The following TPRG1 variants were observed in gnomAD, a reference collection of about 807,000 sequenced individuals.
TPRG1 encodes the protein tumor protein p63 regulated 1.
Under a neutral mutation model 29.3 loss-of-function variants are expected in TPRG1, and 29 were observed. The ratio of observed to expected loss-of-function variants is 0.99; its 90% CI spans 0.74 to 1.35. The LOEUF (loss-of-function observed/expected upper bound fraction) is 1.35. Among genes scored for constraint, TPRG1 ranks in the 40% most tolerant of loss-of-function variants. The pLI, the probability that TPRG1 is intolerant of heterozygous loss-of-function variation, is 0.00. For missense variants in TPRG1, 327 were observed against 335.0 expected, an observed-to-expected ratio of 0.98 and a Z score of 0.19; for synonymous variants, 130 against 116.8, an observed-to-expected ratio of 1.11 and a Z score of -0.73.
chr3:189,148,761 C>A (rs116140912), intron 4 of TPRG1, among the ~76,000 whole-genome samples: 1 of 152,210 alleles, frequency 6.6e-6, no homozygotes. Flanking sequence ...GGTACACACG[C>A]TTTTCAAACA....
chr3:189,176,368 A>G (rs1454952198), intron 1 of TPRG1, among the ~76,000 whole-genome samples: 1 of 152,224 alleles, frequency 6.6e-6, no homozygotes, highest in Non-Finnish European at 1.5e-5. Flanking sequence ...ATTCATTGAA[A>G]GCTATTGAAT....
chr3:189,310,662 A>G (rs1722339999), intron 5 of TPRG1, 123 bp downstream of exon 5: 1 of 336,846 alleles, frequency 3.0e-6, no homozygotes, highest in Non-Finnish European at 4.6e-6. Flanking sequence ...AATAAAATAA[A>G]ATAAAACCAG....
chr3:189,050,648 A>C (rs1249121274), intron 4 of TPRG1, among the ~76,000 whole-genome samples: 1 of 152,200 alleles, frequency 6.6e-6, no homozygotes, highest in Non-Finnish European at 1.5e-5. Flanking sequence ...ACTACAGACC[A>C]ATATCCTTAA....
At chr3:189,124,216 G>A (rs1409626007) in intron 1 of TPRG1, among the ~76,000 whole-genome samples, 7 of 152,082 alleles carry the variant, frequency 4.6e-5, no homozygotes, top group Non-Finnish European at 5.9e-5. Flanking sequence ...ATAAGACATG[G>A]TGCTTGTCTT....
chr3:189,082,565 G>T (rs150989508), intron 4 of TPRG1, among the ~76,000 whole-genome samples: 30 of 152,170 alleles, frequency 2.0e-4, no homozygotes, highest in African/African-American at 7.0e-4. Context: ...CCCTCACAAC[G>T]GATGCCAAGT....
intron 3 of TPRG1, among the ~76,000 whole-genome samples, chr3:189,138,226 G>GA (rs1352158603): frequency 3.3e-5 from 5 of 152,232 alleles, no homozygotes; most frequent in Non-Finnish European, 7.4e-5. Flanking sequence ...AGAGACAAGG[G>GA]AAAAAATGTC....
At chr3:189,074,019 G>T (rs1716964215) in intron 4 of TPRG1, among the ~76,000 whole-genome samples, 1 of 151,978 alleles carries the variant, frequency 6.6e-6, no homozygotes, top group Non-Finnish European at 1.5e-5. Context: ...GAAGCTATTG[G>T]TGCTGATGAG....
At chr3:189,120,969 G>A (rs895587196) in intron 1 of TPRG1, among the ~76,000 whole-genome samples, 1 of 152,168 alleles carries the variant, frequency 6.6e-6, no homozygotes, top group African/African-American at 2.4e-5. Flanking sequence ...TTAAAATTAA[G>A]GACATGTGTG....
chr3:189,076,064 G>A (rs1333131953), intron 4 of TPRG1, among the ~76,000 whole-genome samples: 2 of 152,008 alleles, frequency 1.3e-5, no homozygotes, highest in African/African-American at 4.8e-5. Flanking sequence ...AAGATGAAAC[G>A]ACTTGTCTCA....
chr3:189,050,130 G>T (rs931808441), intron 4 of TPRG1, among the ~76,000 whole-genome samples: 2 of 151,844 alleles, frequency 1.3e-5, no homozygotes, highest in African/African-American at 4.8e-5. Flanking sequence ...AAACACAAAA[G>T]ATAAATGAAA....
chr3:189,088,553 G>A (rs528669017), intron 4 of TPRG1, among the ~76,000 whole-genome samples: 4 of 152,032 alleles, frequency 2.6e-5, no homozygotes, highest in Non-Finnish European at 5.9e-5. Flanking sequence ...AGTCATTCTT[G>A]ACCTTGACCT....
chr3:189,319,452 TG>T (rs1272531126), intron 5 of TPRG1, among the ~76,000 whole-genome samples: 1 of 152,066 alleles, frequency 6.6e-6, no homozygotes, highest in Non-Finnish European at 1.5e-5. Flanking sequence ...GCCAAAAACC[TG>T]GGTGTCATTT....
intron 3 of TPRG1, among the ~76,000 whole-genome samples, chr3:189,142,244 T>C (rs1724672240): frequency 6.6e-6 from 1 of 152,168 alleles, no homozygotes; most frequent in South Asian, 2.1e-4. Context: ...TCAGGGAATG[T>C]GCAGAAATGG....
At chr3:189,039,506 GT>G (rs1489126532) in intron 4 of TPRG1, among the ~76,000 whole-genome samples, 4 of 152,194 alleles carry the variant, frequency 2.6e-5, no homozygotes, top group Non-Finnish European at 1.5e-5. Flanking sequence ...TACAATATAG[GT>G]TTCAGTGATA....
upstream of TPRG1, among the ~76,000 whole-genome samples, chr3:189,098,228 TAAAG>T (rs1718814146): frequency 6.6e-6 from 1 of 151,702 alleles, no homozygotes; most frequent in Admixed American, 6.6e-5. Flanking sequence ...ATATGAGAAT[TAAAG>T]AAAGAGGAAC....
In TPRG1 at chr3:189,254,989, C is replaced by G. The variant is rs11922722; in HGVS notation, c.479+16080C>G. On this transcript the variant is annotated intron_variant, in intron 4 of 5. Coordinates refer to ENST00000345063, the MANE Select transcript of TPRG1 (RefSeq NM_198485.4). The stretch of plus-strand genomic sequence containing the variant: ...ACAAACAGAGATAATTTGACTTCCT[C>G]TCTTCATATTTGAATACCCTTTATT... Among the ~76,000 whole-genome samples, 484 of 152,248 alleles carry G rather than the reference C, an allele frequency of 3.2e-3. 2 individuals carry two copies. Among genetic ancestry groups the G allele is most frequent in the African/African-American group, 0.011 (463 of 41,544 alleles).
intron 3 of TPRG1, among the ~76,000 whole-genome samples, chr3:189,238,454 C>T (rs1484849789): frequency 6.6e-6 from 1 of 152,198 alleles, no homozygotes; most frequent in East Asian, 1.9e-4. Flanking sequence ...TAACACAACA[C>T]ACACTGGGTA....
At chr3:189,266,510 A>G (rs1436669140) in intron 4 of TPRG1, among the ~76,000 whole-genome samples, 1 of 152,150 alleles carries the variant, frequency 6.6e-6, no homozygotes, top group Non-Finnish European at 1.5e-5. Context: ...GGGAATAGGG[A>G]CATGATGAGT....
intron 5 of TPRG1, among the ~76,000 whole-genome samples, chr3:189,153,080 T>C (rs576773113): frequency 6.6e-6 from 1 of 152,338 alleles, no homozygotes; most frequent in African/African-American, 2.4e-5. Flanking sequence ...TTGACTTAAA[T>C]GTAATATTCC....
Sources: gnomAD v4.1 joint callset for allele counts (sites outside exome capture counted in the v4.1 genomes callset) on GRCh38, gnomAD v4.1.1 for gene constraint, MANE v1.5 for transcripts, NCBI Gene and HGNC (gene_info 2026-07-23, HGNC 2026-07-21) for gene names.